The following CD86 variants were observed in gnomAD, a reference collection of about 807,000 sequenced individuals.
CD86 encodes the protein CD86 molecule.
In CD86, 11 loss-of-function variants were observed where a neutral mutation model predicts 32.1. The ratio of observed to expected loss-of-function variants is 0.34; its 90% confidence interval spans 0.22 to 0.57. The LOEUF (loss-of-function observed/expected upper bound fraction) is 0.57, where lower values mean the gene tolerates loss of function less well. Among genes scored for constraint, CD86 ranks in the 20% least tolerant of loss-of-function variants. The pLI, the probability that CD86 is intolerant of heterozygous loss-of-function variation, is 0.86. For synonymous variants in CD86, 137 were observed against 135.3 expected (o/e 1.01, Z -0.09); for missense variants, 359 against 398.4 (o/e 0.90, Z 0.84).
At position 122,119,746 on chromosome 3, in the gene CD86, T is replaced by G. The variant is rs1256831912; in HGVS notation, c.*212T>G. On this transcript the variant is annotated 3_prime_UTR_variant, in exon 7 of 7. Coordinates refer to ENST00000330540, the MANE Select transcript of CD86 (RefSeq NM_175862.5). ...GACTTTAATTCTCTTACTGCTTCTT[T>G]TCACTTCAGAGCACACTTATGGGCC... The G allele has an allele frequency of 1.0e-5, 5 of 502,046 alleles. No homozygotes were observed. The highest frequency in any genetic ancestry group is 1.7e-5 in the Non-Finnish European group (5 of 285,892). The allele number at this position is 502,046 out of a possible 1,614,324, so 31.1% of individuals were successfully genotyped here. A position where few individuals can be genotyped will look rare whatever the true frequency, so the allele number is the denominator to read the frequency against.
Position 122,092,517 on chromosome 3 carries a change from T to G in CD86, c.64+867T>G, listed in dbSNP as rs571031349. On this transcript the variant is annotated intron_variant, in intron 2 of 6. Coordinates refer to ENST00000330540, the MANE Select transcript of CD86 (RefSeq NM_175862.5). ...CTATCCACCACCTCCCCTCAAAATTTTAACAGCATCCAGCCTCACAAAACT... is the reference window on the plus strand; with the variant it reads ...CTATCCACCACCTCCCCTCAAAATTGTAACAGCATCCAGCCTCACAAAACT... 3.3e-5 allele frequency among the ~76,000 whole-genome samples: 5 copies of G among 152,320 alleles called. No homozygotes were observed. The East Asian group carries it at 9.6e-4, about 29-fold the overall frequency.
intron 1 of CD86, chr3:122,086,742 C>A: frequency 2.5e-6 from 1 of 396,914 alleles, no homozygotes; most frequent in Non-Finnish European, 5.2e-6. Context: ...GCCCCTTCTT[C>A]TCCCACCCCA....
chr3:122,087,293 C>CG (rs35078137), intron 1 of CD86, among the ~76,000 whole-genome samples: 135 of 152,258 alleles, frequency 8.9e-4, no homozygotes, highest in Non-Finnish European at 1.6e-3. Context: ...AGAATCCCCC[C>CG]GGTAAATTCT....
chr3:122,068,743 T>C (rs2072448637), intron 1 of CD86, among the ~76,000 whole-genome samples: 1 of 152,226 alleles, frequency 6.6e-6, no homozygotes, highest in Non-Finnish European at 1.5e-5. Context: ...TAATAGACCA[T>C]CTTTTGTATA....
chr3:122,106,150 T>C, intron 3 of CD86, 48 bp from the exon 4 acceptor site: 1 of 1,408,670 alleles, frequency 7.1e-7, no homozygotes, highest in Non-Finnish European at 9.6e-7. Context: ...CCCTCCTAGA[T>C]ACATCTAAAC....
rs772159828 is a variant in CD86, at chr3:122,109,352, G to A, written c.791G>A (p.Cys264Tyr). 8.3e-5 allele frequency: 134 copies of A among 1,613,962 alleles called. 1 individual carries two copies. The Admixed American group carries it at 2.2e-3, about 26-fold the overall frequency. ...PTVIICVMVF[C>Y]LILWKWKKKK... ...GTTATTATATGTGTGATGGTTTTCT[G>A]TCTAATTCTATGGAAATGGAAGAAG... Residue 264 changes from cysteine (C) to tyrosine (Y), a missense_variant, in exon 5 of 7, where the codon TGT (cysteine) becomes TAT (tyrosine). Cys to Tyr is a radical substitution (Grantham distance 194). Coordinates refer to ENST00000330540, the MANE Select transcript of CD86 (RefSeq NM_175862.5).
chr3:122,069,914 T>C (rs1214604887), intron 1 of CD86, among the ~76,000 whole-genome samples: 3 of 152,218 alleles, frequency 2.0e-5, no homozygotes, highest in Non-Finnish European at 4.4e-5. Context: ...CTCATTGCCC[T>C]TTCTGCTAAA....
intron 2 of CD86, among the ~76,000 whole-genome samples, chr3:122,101,513 A>AATATATATATATATATATATATATAT (rs58001956): frequency 4.3e-5 from 2 of 46,334 alleles, no homozygotes; most frequent in East Asian, 5.8e-4. Flanking sequence ...AAAAAAAAAA[A>AATATATATATATATATATATATATAT]ATATATATAT....
chr3:122,069,767 G>T (rs2681413), intron 1 of CD86, among the ~76,000 whole-genome samples: 145,269 of 152,096 alleles, frequency 0.96, 69,718 homozygotes, highest in East Asian at 1. Flanking sequence ...CCAGAACACC[G>T]CAACTCCACT....
chr3:122,071,159 T>G, intron 1 of CD86, among the ~76,000 whole-genome samples: 1 of 152,128 alleles, frequency 6.6e-6, no homozygotes, highest in East Asian at 1.9e-4. Flanking sequence ...TTACATTAAG[T>G]TTCTCTCTTT....
chr3:122,116,927 G>A (rs892798508), intron 5 of CD86, among the ~76,000 whole-genome samples: 1 of 152,116 alleles, frequency 6.6e-6, no homozygotes, highest in African/African-American at 2.4e-5. Flanking sequence ...TTATAAAAAT[G>A]TTCTCGATCT....
At chr3:122,103,126 A>G (rs1270140776) in intron 2 of CD86, among the ~76,000 whole-genome samples, 1 of 152,138 alleles carries the variant, frequency 6.6e-6, no homozygotes, top group Non-Finnish European at 1.5e-5. Context: ...GAAAACTAAA[A>G]TTAAGGTTAT....
chr3:122,063,093 T>C (rs2072362529), intron 1 of CD86, among the ~76,000 whole-genome samples: 1 of 152,222 alleles, frequency 6.6e-6, no homozygotes, highest in African/African-American at 2.4e-5. Flanking sequence ...AATAAAATTC[T>C]ATTCTATAAC....
intron 1 of CD86, among the ~76,000 whole-genome samples, chr3:122,078,978 A>G (rs147977418): frequency 1.5e-3 from 234 of 152,340 alleles, no homozygotes; most frequent in African/African-American, 5.1e-3. Context: ...CCTGTGTATA[A>G]TGGAAGCTTT....
rs371873093 is a variant in CD86 at position 122,119,493 on chromosome 3, T to C, written c.949T>C (p.Ser317Pro). 1.2e-6 allele frequency: 2 copies of C among 1,611,374 alleles called. No homozygotes were observed. Among genetic ancestry groups the C allele is most frequent in the Admixed American group, 3.3e-5 (2 of 60,006 alleles). ...SDEAQRVFKS[S>P]KTSSCDKSDT... ...TGAAGCCCAGCGTGTTTTTAAAAGT[T>C]CGAAGACATCTTCATGCGACAAAAG... Residue 317 changes from serine to proline, a missense_variant, in exon 7 of 7, where the codon TCG becomes CCG. Transcript: ENST00000330540.
Position 122,060,661 on chromosome 3 carries a change from C to G in CD86, c.14+5158C>G, listed in dbSNP as rs2072320126. Among the ~76,000 whole-genome samples, 6 of 152,048 alleles carry G rather than the reference C, an allele frequency of 3.9e-5. No individual in the cohort carries two copies. In the South Asian group the frequency reaches 1.0e-3, roughly 26 times the overall value. On this transcript the variant is annotated intron_variant, in intron 1 of 6. Transcript: ENST00000330540. ...ATTTAAATTAAAAAAAAAGGCTAACCAAAAATAAAATCCAATACTTTATTT... is the reference window on the plus strand; with the variant it reads ...ATTTAAATTAAAAAAAAAGGCTAACGAAAAATAAAATCCAATACTTTATTT...
At position 122,106,504 on chromosome 3, in the gene CD86, A is replaced by C. The variant is rs758467046; in HGVS notation, c.703+4A>C. The C allele has an allele frequency of 8.2e-6, 13 of 1,592,518 alleles. No individual in the cohort carries two copies. The highest frequency in any genetic ancestry group is 1.1e-5 in the Non-Finnish European group (13 of 1,168,764). On this transcript the variant is annotated splice_donor_region_variant and intron_variant, in intron 4 of 6. Transcript: ENST00000330540. ...TTATCTTCACCTTTCTCTATAGGTA[A>C]AGCTGTTTTCCAAGACTATTTCTTT...
intron 3 of CD86, among the ~76,000 whole-genome samples, 164 bp from the exon 4 acceptor site, chr3:122,106,034 T>G (rs1301592875): frequency 6.6e-6 from 1 of 152,006 alleles, no homozygotes; most frequent in Non-Finnish European, 1.5e-5. Context: ...AAACATGAAG[T>G]CATTATGTGG....
intron 1 of CD86, among the ~76,000 whole-genome samples, chr3:122,070,657 A>C (rs1296460902): frequency 6.6e-6 from 1 of 152,216 alleles, no homozygotes; most frequent in Non-Finnish European, 1.5e-5. Flanking sequence ...GGCCCTTAGA[A>C]AACTGGGGCC....
Sources: allele counts gnomAD v4.1 joint callset (sites outside exome capture counted in the v4.1 genomes callset), GRCh38; gene constraint gnomAD v4.1.1; transcripts MANE v1.5; gene names NCBI Gene and HGNC (gene_info 2026-07-23, HGNC 2026-07-21).